The following CFAP54 variants were observed in gnomAD, a reference collection of about 807,000 sequenced individuals.
CFAP54 encodes the protein cilia and flagella associated protein 54, also known as cilia- and flagella-associated protein 54.
In CFAP54, 290 loss-of-function variants were observed where a neutral mutation model predicts 370.4. That is an observed-to-expected ratio of 0.78 (90% CI 0.71 to 0.86). The LOEUF (loss-of-function observed/expected upper bound fraction) is 0.86, where lower values mean the gene tolerates loss of function less well. CFAP54 is among the 40% of genes least tolerant of loss of function. The probability of loss-of-function intolerance (pLI) is 0.00; values close to 1 mark genes in which losing one functional copy is unlikely to be tolerated. For synonymous variants in CFAP54, 1,206 were observed against 1,236.5 expected (o/e 0.98, Z 0.52); for missense variants, 3,399 against 3,528.7 (o/e 0.96, Z 0.93).
At chr12:96,542,604 C>T (rs965137142) in intron 14 of CFAP54, among the ~76,000 whole-genome samples, 11 of 152,134 alleles carry the variant, frequency 7.2e-5, no homozygotes, top group African/African-American at 9.7e-5. Context: ...TCCCCCTCTC[C>T]GAGTATTTTA....
chr12:96,799,325 A>G (rs1244195731), intron 63 of CFAP54, among the ~76,000 whole-genome samples: 1 of 152,218 alleles, frequency 6.6e-6, no homozygotes, highest in Non-Finnish European at 1.5e-5. Flanking sequence ...GCTTTTTCCC[A>G]TAAAACATTT....
chr12:96,767,276 C>A (rs1229481219), intron 60 of CFAP54, among the ~76,000 whole-genome samples: 4 of 152,098 alleles, frequency 2.6e-5, no homozygotes, highest in Non-Finnish European at 5.9e-5. Context: ...AGGAAAGAAC[C>A]ATAGAAAAGA....
intron 46 of CFAP54, among the ~76,000 whole-genome samples, chr12:96,704,452 G>GTGTA (rs1370305562): frequency 1.5e-3 from 89 of 61,256 alleles, no homozygotes; most frequent in Non-Finnish European, 2.2e-3. Flanking sequence ...ATGTATGTGT[G>GTGTA]TATATATATA....
chr12:96,673,310 G>A lies in CFAP54; in HGVS notation c.5564-6290G>A, dbSNP rs368989430. 5.9e-5 allele frequency among the ~76,000 whole-genome samples: 9 copies of A among 152,210 alleles called. No individual in the cohort carries two copies. In the East Asian group the frequency reaches 1.3e-3, roughly 23 times the overall value. ...CTTGAGTGCTCCACTGTGCTACCTGGCCTCTTCTCCGTTGCTCCCTTTCAG... is the reference window on the plus strand; with the variant it reads ...CTTGAGTGCTCCACTGTGCTACCTGACCTCTTCTCCGTTGCTCCCTTTCAG... On this transcript the variant is annotated intron_variant, in intron 39 of 67. Transcript: ENST00000524981.
intron 9 of CFAP54, among the ~76,000 whole-genome samples, chr12:96,530,310 C>T (rs182584551): frequency 2.4e-4 from 37 of 152,222 alleles, no homozygotes; most frequent in Admixed American, 2.0e-3. Flanking sequence ...GCTAACATGG[C>T]GAAACTCTGT....
chr12:96,630,081 C>A lies in CFAP54; in HGVS notation c.4104-12C>A. 7.4e-7 allele frequency: 1 copy of A among 1,357,990 alleles called. No individual in the cohort carries two copies. The highest frequency in any genetic ancestry group is 1.9e-4 in the Middle Eastern group (1 of 5,274). 84.1% of individuals were successfully genotyped at this position (1,357,990 alleles called of 1,614,324 possible). A position where few individuals can be genotyped will look rare whatever the true frequency, so the allele number is the denominator to read the frequency against. ...TGCAGGTCTTTTTGACTGACTTTATCTTTTTTATTAGGAGAAATGAGTCTC... is the reference window on the plus strand; with the variant it reads ...TGCAGGTCTTTTTGACTGACTTTATATTTTTTATTAGGAGAAATGAGTCTC... On this transcript the variant is annotated splice_polypyrimidine_tract_variant and intron_variant, in intron 30 of 67. Transcript: ENST00000524981.
intron 17 of CFAP54, among the ~76,000 whole-genome samples, chr12:96,559,434 A>G (rs917342886): frequency 1.3e-5 from 2 of 152,142 alleles, no homozygotes; most frequent in African/African-American, 4.8e-5. Context: ...ACTGTGGTAA[A>G]CTGTTCCCTC....
intron 26 of CFAP54, among the ~76,000 whole-genome samples, chr12:96,615,687 C>G (rs763862167): frequency 1.3e-5 from 2 of 152,150 alleles, no homozygotes; most frequent in South Asian, 4.1e-4. Context: ...ACAACCCCAT[C>G]AACAAGTGGA....
rs1375443068 is a variant in CFAP54, at chr12:96,644,359, C to G, written c.4498C>G (p.Leu1500Val). Residue 1500 changes from leucine to valine, a missense_variant, in exon 33 of 68, where the codon CTA becomes GTA. Around this residue, in one of 3 missense-constraint regions of CFAP54, gnomAD observed 2,796 missense variants for 2,869.7 expected, o/e 0.97. Coordinates refer to ENST00000524981, the MANE Select transcript of CFAP54 (RefSeq NM_001306084.2). ...GAHFNLVLQK[L>V]WECTKMKFGT... ...ACACTTTAACCTGGTTTTACAAAAG[C>G]TATGGGAGTGTACGAAGATGAAATT... The G allele has an allele frequency of 1.3e-6, 2 of 1,535,942 alleles. No individual in the cohort carries two copies. Among genetic ancestry groups the G allele is most frequent in the Non-Finnish European group, 1.7e-6 (2 of 1,146,802 alleles).
At chr12:96,551,003 C>T (rs1035226628) in intron 15 of CFAP54, among the ~76,000 whole-genome samples, 1 of 152,108 alleles carries the variant, frequency 6.6e-6, no homozygotes, top group Non-Finnish European at 1.5e-5. Context: ...TATGGTGGCT[C>T]ACGCCTTTTA....
intron 26 of CFAP54, among the ~76,000 whole-genome samples, chr12:96,603,890 G>A (rs953607104): frequency 1.3e-5 from 2 of 152,120 alleles, no homozygotes; most frequent in Non-Finnish European, 2.9e-5. Flanking sequence ...CTTCCTTGCG[G>A]TGGGTTAGAA....
intron 63 of CFAP54, among the ~76,000 whole-genome samples, chr12:96,803,678 C>T (rs1348288331): frequency 6.6e-6 from 1 of 152,090 alleles, no homozygotes; most frequent in Non-Finnish European, 1.5e-5. Flanking sequence ...CGCAGTCACC[C>T]AAAATCAAAG....
chr12:96,812,882 C>T (rs761480269), intron 64 of CFAP54, among the ~76,000 whole-genome samples: 3 of 151,718 alleles, frequency 2.0e-5, no homozygotes, highest in Non-Finnish European at 4.4e-5. Flanking sequence ...TTCTTTTCTC[C>T]TCTTCTCTCC....
intron 18 of CFAP54, 28 bp from the exon 19 acceptor site, chr12:96,564,616 C>A: frequency 1.5e-6 from 1 of 652,460 alleles, no homozygotes; most frequent in South Asian, 1.8e-5. Flanking sequence ...TTAATCTCAC[C>A]TTTTTGGTAA....
intron 32 of CFAP54, among the ~76,000 whole-genome samples, chr12:96,639,164 A>G (rs1956695915): frequency 6.6e-6 from 1 of 152,212 alleles, no homozygotes; most frequent in African/African-American, 2.4e-5. Context: ...AAGATCAACA[A>G]AACTGATAGA....
chr12:96,749,769 T>G (rs922831281), intron 55 of CFAP54, among the ~76,000 whole-genome samples: 1 of 152,218 alleles, frequency 6.6e-6, no homozygotes, highest in Non-Finnish European at 1.5e-5. Flanking sequence ...TAATCAGTTT[T>G]ATTTTACTAC....
At chr12:96,591,637 C>T (rs986187490) in intron 23 of CFAP54, among the ~76,000 whole-genome samples, 1 of 152,010 alleles carries the variant, frequency 6.6e-6, no homozygotes, top group African/African-American at 2.4e-5. Flanking sequence ...CGCCTGTAAT[C>T]CCAGCACTTT....
chr12:96,597,311 G>T (rs1386229594), intron 25 of CFAP54, among the ~76,000 whole-genome samples: 2 of 151,886 alleles, frequency 1.3e-5, no homozygotes, highest in African/African-American at 2.4e-5. Flanking sequence ...TGGACCTGAG[G>T]AACCTACTGG....
chr12:96,545,334 C>T (rs955851733), intron 14 of CFAP54, among the ~76,000 whole-genome samples: 8 of 152,040 alleles, frequency 5.3e-5, no homozygotes, highest in East Asian at 1.9e-4. Flanking sequence ...CACCATGGCA[C>T]GTGTATACCT....
Sources: gnomAD v4.1 joint callset for allele counts (sites outside exome capture counted in the v4.1 genomes callset) on GRCh38, gnomAD v4.1.1 for gene constraint, gnomAD v4.1.1 regional missense constraint, MANE v1.5 for transcripts, NCBI Gene and HGNC (gene_info 2026-07-23, HGNC 2026-07-21) for gene names.